The following CSMD2 variants were observed in gnomAD, a reference collection of about 807,000 sequenced individuals.
CSMD2 encodes the protein CUB and Sushi multiple domains 2.
A neutral mutation model predicts 398.5 loss-of-function variants in CSMD2; 130 were observed. That is an observed-to-expected ratio of 0.33 (90% CI 0.28 to 0.38). CSMD2 has a LOEUF of 0.38. Ranked by LOEUF, CSMD2 falls within the 10% of genes least tolerant of loss-of-function variation. CSMD2 has a pLI of 1.00. For missense variants in CSMD2, 3,829 were observed against 4,764.9 expected (o/e 0.80, Z 5.78); for synonymous variants, 1,828 against 1,908.5 (o/e 0.96, Z 1.10).
chr1:33,838,131 C>T (rs965871191), intron 6 of CSMD2, among the ~76,000 whole-genome samples: 28 of 152,164 alleles, frequency 1.8e-4, no homozygotes, highest in African/African-American at 6.8e-4. Flanking sequence ...TCAGACTTCC[C>T]TCTATGAGGG....
At chr1:33,567,491 A>ATATATATATATATC in intron 53 of CSMD2, 102 bp downstream of exon 53, 1 of 757,924 alleles carries the variant, frequency 1.3e-6, no homozygotes, top group Non-Finnish European at 2.0e-6. Flanking sequence ...ATATATATAT[A>ATATATATATATATC]TATATTTAAA....
At chr1:33,938,306 T>C in intron 3 of CSMD2, among the ~76,000 whole-genome samples, 1 of 151,524 alleles carries the variant, frequency 6.6e-6, no homozygotes, top group Admixed American at 6.6e-5. Flanking sequence ...TTAGCATTTA[T>C]CATATTCCCC....
intron 5 of CSMD2, among the ~76,000 whole-genome samples, chr1:33,848,693 C>A (rs955102361): frequency 6.6e-6 from 1 of 152,310 alleles, no homozygotes; most frequent in Middle Eastern, 3.4e-3. Context: ...TAACCCATAC[C>A]GCTATGGTAA....
chr1:33,753,158 C>G (rs1447798154), intron 13 of CSMD2, among the ~76,000 whole-genome samples: 1 of 152,196 alleles, frequency 6.6e-6, no homozygotes, highest in Non-Finnish European at 1.5e-5. Context: ...GAGAGATTAG[C>G]ATTACTGAAA....
At position 33,533,835 on chromosome 1, in the gene CSMD2, G is replaced by A. The variant is rs774639187; in HGVS notation, c.9952C>T (p.Pro3318Ser). ...LQGSTTRTCL[P>S]NLTWSGTPPD... ...GGGGTTCCACTCCAGGTCAGGTTTG[G>A]GAGGCAGGTCCTGGTGGTGGAGCCC... Residue 3318 changes from proline to serine, a missense_variant, in exon 63 of 71, where the codon CCA becomes TCA. Physicochemically the swap from Pro to Ser is moderately conservative, Grantham distance 74. Around this residue, in one of 5 missense-constraint regions of CSMD2, gnomAD observed 917 missense variants for 1,199.5 expected, o/e 0.76. Transcript: ENST00000373381. This position sits in a 1 kb window ranked among gnomAD's most constrained non-coding sequence, Gnocchi z 4.2. 1 of 1,614,040 alleles carries A rather than the reference G, an allele frequency of 6.2e-7. No homozygotes were observed. The highest frequency in any genetic ancestry group is 1.7e-5 in the Admixed American group (1 of 60,024).
chr1:34,064,476 A>AGTCT (rs1389130872), intron 2 of CSMD2, among the ~76,000 whole-genome samples: 2 of 152,070 alleles, frequency 1.3e-5, no homozygotes, highest in East Asian at 3.9e-4. Flanking sequence ...CTTTACTAAA[A>AGTCT]CATAACAAGA....
chr1:33,739,264 C>G lies in CSMD2; in HGVS notation c.2244G>C (p.Gln748His), dbSNP rs764894297. The G allele has an allele frequency of 3.1e-6, 5 of 1,614,100 alleles. No homozygotes were observed. The highest frequency in any genetic ancestry group is 4.2e-6 in the Non-Finnish European group (5 of 1,180,048). ...AGAGGAAGGAGATGGAGCTGCCCAG[C>G]TGGAGGCTGTCCCCAAACCGTTTGC... Reference protein sequence around the residue: ...VNGKRFGDSLQLGSSISFLCD... With the variant: ...VNGKRFGDSLHLGSSISFLCD... The change falls in exon 15 of 71, where the codon CAG becomes CAC. Residue 748 changes from glutamine (Q) to histidine (H), a missense_variant. Gln to His is a conservative substitution (Grantham distance 24, BLOSUM62 0). Transcript: ENST00000373381.
At chr1:33,788,125 ACCAGAAGG>A (rs1653755623) in intron 12 of CSMD2, among the ~76,000 whole-genome samples, 1 of 152,104 alleles carries the variant, frequency 6.6e-6, no homozygotes, top group Non-Finnish European at 1.5e-5. Context: ...CCTCAAAACA[ACCAGAAGG>A]CCCTCAGAAC....
chr1:33,609,813 C>A (rs965375140), intron 41 of CSMD2, among the ~76,000 whole-genome samples: 2 of 151,938 alleles, frequency 1.3e-5, no homozygotes, highest in African/African-American at 4.8e-5. Context: ...AGGGTAGTGA[C>A]AGGATGGGAT....
At chr1:33,545,510 G>A (rs114680877) in intron 57 of CSMD2, among the ~76,000 whole-genome samples, 166 of 152,304 alleles carry the variant, frequency 1.1e-3, no homozygotes, top group African/African-American at 3.8e-3. Flanking sequence ...TGGACATGGT[G>A]CCTTCTTGCT....
At chr1:33,936,002 G>T in intron 3 of CSMD2, 48 bp from the exon 4 acceptor site, 1 of 1,534,224 alleles carries the variant, frequency 6.5e-7, no homozygotes, top group Non-Finnish European at 8.8e-7. Flanking sequence ...GAGCTGGGCT[G>T]GAGCCCTGAC....
chr1:33,834,517 C>T (rs1386056591), intron 6 of CSMD2, among the ~76,000 whole-genome samples: 1 of 52,436 alleles, frequency 1.9e-5, no homozygotes, highest in Non-Finnish European at 2.9e-5. Context: ...GGATTAAAGA[C>T]TTAAACGTTA....
At chr1:34,096,598 G>T (rs1275694650) in intron 1 of CSMD2, among the ~76,000 whole-genome samples, 2 of 134,362 alleles carry the variant, frequency 1.5e-5, no homozygotes, top group Non-Finnish European at 3.1e-5. Flanking sequence ...AAAATCACAA[G>T]CATTCCTATA....
chr1:33,783,862 T>C (rs1169196555), intron 12 of CSMD2, among the ~76,000 whole-genome samples: 3 of 152,184 alleles, frequency 2.0e-5, no homozygotes, highest in Non-Finnish European at 4.4e-5. Flanking sequence ...GTCTTTTTTG[T>C]TTTTGTCCCT....
At chr1:34,008,782 T>C (rs998236218) in intron 3 of CSMD2, among the ~76,000 whole-genome samples, 6 of 152,192 alleles carry the variant, frequency 3.9e-5, no homozygotes, top group Non-Finnish European at 7.3e-5. Flanking sequence ...GGCTGTAAGT[T>C]CCATGAGGAC....
At chr1:33,842,529 G>A in intron 6 of CSMD2, among the ~76,000 whole-genome samples, 1 of 151,996 alleles carries the variant, frequency 6.6e-6, no homozygotes, top group East Asian at 1.9e-4. Flanking sequence ...TTCTCTAGGT[G>A]GCAGACTTGC....
chr1:33,597,278 T>A (rs1189859379), intron 44 of CSMD2, among the ~76,000 whole-genome samples: 1 of 152,226 alleles, frequency 6.6e-6, no homozygotes, highest in Non-Finnish European at 1.5e-5. Flanking sequence ...CCTTTTTTTT[T>A]CTTTAGTTCT....
chr1:33,735,981 G>A (rs1230040055), intron 15 of CSMD2, among the ~76,000 whole-genome samples: 2 of 152,152 alleles, frequency 1.3e-5, no homozygotes, highest in Admixed American at 1.3e-4. Context: ...CTGGGATTCA[G>A]CCACCCTAAG....
chr1:33,896,580 G>A (rs763695446), intron 5 of CSMD2, among the ~76,000 whole-genome samples: 2 of 152,154 alleles, frequency 1.3e-5, no homozygotes, highest in Non-Finnish European at 2.9e-5. Context: ...TCTTCATCTG[G>A]CGAAGGAGAA....
Sources: allele counts gnomAD v4.1 joint callset (sites outside exome capture counted in the v4.1 genomes callset), GRCh38; gene constraint gnomAD v4.1.1; regional missense constraint gnomAD v4.1.1; non-coding constraint Gnocchi (gnomAD v3.1); transcripts MANE v1.5; gene names NCBI Gene and HGNC (gene_info 2026-07-23, HGNC 2026-07-21).